Variants in MVB12B observed in about 807,000 individuals in gnomAD.
The protein encoded by MVB12B is ESCRT-I complex subunit MVB12B.
MVB12B carries 16 observed loss-of-function variants against 41.6 expected under a neutral mutation model. The observed-to-expected ratio is 0.38, with a 90% CI of 0.26 to 0.58. MVB12B has a LOEUF of 0.58. Ranked by LOEUF, MVB12B falls within the 20% of genes least tolerant of loss-of-function variation. MVB12B has a pLI of 0.62. For synonymous variants in MVB12B, 133 were observed against 139.7 expected (o/e 0.95, Z 0.34); for missense variants, 274 against 380.2 (o/e 0.72, Z 2.32).
At chr9:126,490,808 A>G (rs1254045088) in intron 9 of MVB12B, among the ~76,000 whole-genome samples, 2 of 152,228 alleles carry the variant, frequency 1.3e-5, no homozygotes, top group East Asian at 3.8e-4. Flanking sequence ...TTAATTTTAT[A>G]CCTAAATATT....
At chr9:126,374,791 C>T (rs1238360842) in intron 2 of MVB12B, among the ~76,000 whole-genome samples, 3 of 152,182 alleles carry the variant, frequency 2.0e-5, no homozygotes, top group African/African-American at 7.2e-5. Context: ...AGTCATGTCC[C>T]TGATGGCAGC....
At chr9:126,441,319 A>G (rs968089644) in intron 7 of MVB12B, among the ~76,000 whole-genome samples, 12 of 152,190 alleles carry the variant, frequency 7.9e-5, no homozygotes, top group African/African-American at 2.2e-4. Context: ...CTGACCATCA[A>G]TGAATTACTC....
At chr9:126,344,704 A>T (rs533103876) in intron 2 of MVB12B, among the ~76,000 whole-genome samples, 1 of 152,256 alleles carries the variant, frequency 6.6e-6, no homozygotes, top group Admixed American at 6.5e-5. Flanking sequence ...TATCCCTAAG[A>T]CTGAGTAGTT....
At chr9:126,497,100 G>T (rs1833852894) in intron 9 of MVB12B, among the ~76,000 whole-genome samples, 1 of 152,146 alleles carries the variant, frequency 6.6e-6, no homozygotes, top group South Asian at 2.1e-4. Flanking sequence ...GTGCTGTGCT[G>T]GGCAGTGAGG....
intron 2 of MVB12B, among the ~76,000 whole-genome samples, chr9:126,351,281 GTTTTGT>G (rs1164749080): frequency 2.6e-5 from 4 of 152,018 alleles, no homozygotes; most frequent in East Asian, 1.9e-4. Flanking sequence ...TAGGTTTTTG[GTTTTGT>G]TTTTTTCTTA....
chr9:126,333,414 TA>T lies in MVB12B; in HGVS notation c.81+6405del, dbSNP rs1177809654. Among the ~76,000 whole-genome samples the T allele has an allele frequency of 1.3e-5, 2 of 150,918 alleles. No individual in the cohort carries two copies. Among genetic ancestry groups the T allele is most frequent in the Non-Finnish European group, 3.0e-5 (2 of 67,782 alleles). ...CCCTGGTTTTATTTATTTACTTATT[TA>T]TTTTTTTGAGATGAGGTCTGGCTCT... On this transcript the variant is annotated intron_variant, in intron 1 of 9. Transcript: ENST00000361171. The surrounding 1 kb of genome is among the most constrained non-coding windows in gnomAD (Gnocchi z 4.7).
rs1834000415 is a variant in MVB12B at position 126,503,275 on chromosome 9, C to T, written c.*12C>T. On this transcript the variant is annotated 3_prime_UTR_variant, in exon 10 of 10. Transcript: ENST00000361171. ...TCCCGCAGTCCTGAGGAGCCAGCGG[C>T]CACCTGCGGGGAGACCACCGCCGCC... 2 of 1,548,952 alleles carry T rather than the reference C, an allele frequency of 1.3e-6. No individual in the cohort carries two copies. The highest frequency in any genetic ancestry group is 2.4e-5 in the East Asian group (1 of 40,890).
intron 6 of MVB12B, among the ~76,000 whole-genome samples, chr9:126,403,954 T>C (rs1389922471): frequency 8.8e-6 from 1 of 113,596 alleles, no homozygotes; most frequent in African/African-American, 3.5e-5. Flanking sequence ...TTAAATCTTT[T>C]TTTTTTTTTT....
intron 2 of MVB12B, among the ~76,000 whole-genome samples, chr9:126,378,440 C>T (rs1330322936): frequency 6.6e-6 from 1 of 152,182 alleles, no homozygotes; most frequent in Non-Finnish European, 1.5e-5. Flanking sequence ...CCTTGTTCCA[C>T]CAGGGCTGCC....
At chr9:126,385,279 T>C (rs1261033464) in intron 3 of MVB12B, among the ~76,000 whole-genome samples, 1 of 152,232 alleles carries the variant, frequency 6.6e-6, no homozygotes, top group Admixed American at 6.5e-5. Flanking sequence ...GAGATAGTTT[T>C]GGTCTTCATG....
chr9:126,496,909 A>G (rs1833847923), intron 9 of MVB12B, among the ~76,000 whole-genome samples: 1 of 152,154 alleles, frequency 6.6e-6, no homozygotes, highest in South Asian at 2.1e-4. Context: ...AGCCTAGGGC[A>G]GGGTGTCCCT....
At chr9:126,419,372 A>G (rs1343629469) in intron 6 of MVB12B, among the ~76,000 whole-genome samples, 2 of 152,170 alleles carry the variant, frequency 1.3e-5, no homozygotes, top group Admixed American at 1.3e-4. Context: ...GGGCCCCACC[A>G]TGGGTTTAAT....
chr9:126,368,494 G>A (rs1313746195), intron 2 of MVB12B, among the ~76,000 whole-genome samples: 1 of 152,164 alleles, frequency 6.6e-6, no homozygotes, highest in Non-Finnish European at 1.5e-5. Flanking sequence ...TACCGTGGTA[G>A]AGAGAGGGTT....
chr9:126,383,383 A>T (rs1000468584), intron 3 of MVB12B, among the ~76,000 whole-genome samples: 1 of 152,182 alleles, frequency 6.6e-6, no homozygotes, highest in Non-Finnish European at 1.5e-5. Flanking sequence ...CTGGGGAAGG[A>T]TCGAGATTAA....
intron 5 of MVB12B, among the ~76,000 whole-genome samples, chr9:126,393,977 C>A (rs1831032766): frequency 6.6e-6 from 1 of 152,248 alleles, no homozygotes. Context: ...GCCCTCGTGG[C>A]ATTTGCTTGA....
chr9:126,470,863 T>C (rs1833301753), intron 7 of MVB12B, among the ~76,000 whole-genome samples: 1 of 152,090 alleles, frequency 6.6e-6, no homozygotes, highest in African/African-American at 2.4e-5. Flanking sequence ...TACGTTCTTA[T>C]GTGAAAGCAG....
rs1412137655 is a variant in MVB12B, at chr9:126,468,642, C to T, written c.758-12727C>T. On this transcript the variant is annotated intron_variant, in intron 7 of 9. Transcript: ENST00000361171. The surrounding 1 kb of genome is among the most constrained non-coding windows in gnomAD (Gnocchi z 4.3). ...CCTCATCCGGGCCACCAGCGTCCCT[C>T]GCCTGGTTCAGTGTCAGAACTTCCT... 1.3e-5 allele frequency among the ~76,000 whole-genome samples: 2 copies of T among 152,244 alleles called. No homozygotes were observed. The highest frequency in any genetic ancestry group is 3.2e-3 in the Middle Eastern group (1 of 316).
In MVB12B at chr9:126,470,720, G is replaced by A. The variant is rs190739092; in HGVS notation, c.758-10649G>A. 2.1e-4 allele frequency among the ~76,000 whole-genome samples: 32 copies of A among 151,512 alleles called. No homozygotes were observed. The South Asian group carries it at 3.8e-3, about 18-fold the overall frequency. On this transcript the variant is annotated intron_variant, in intron 7 of 9. Transcript: ENST00000361171. Reference sequence around the variant, plus strand: ...CCAAATAGAACCTCTAAGAATGTTCGTTTGTGGTGTGAGGGCACCCTGGTC... The same window carrying A: ...CCAAATAGAACCTCTAAGAATGTTCATTTGTGGTGTGAGGGCACCCTGGTC...
intron 2 of MVB12B, among the ~76,000 whole-genome samples, chr9:126,372,016 C>T (rs1302808516): frequency 6.6e-6 from 1 of 152,244 alleles, no homozygotes; most frequent in East Asian, 1.9e-4. Flanking sequence ...GAACGCTCCA[C>T]TCATTAGCCA....
Sources: allele counts gnomAD v4.1 joint callset (sites outside exome capture counted in the v4.1 genomes callset), GRCh38; gene constraint gnomAD v4.1.1; non-coding constraint Gnocchi (gnomAD v3.1); transcripts MANE v1.5; gene names NCBI Gene and HGNC (gene_info 2026-07-23, HGNC 2026-07-21).